VWF: variants seen among roughly 807,000 people sequenced by gnomAD.
VWF encodes Factor VIII related antigen.
In VWF, 176 loss-of-function variants were observed where a neutral mutation model predicts 308.6. That is an observed-to-expected ratio of 0.57 (90% CI 0.50 to 0.65). VWF has a LOEUF of 0.65. Among genes scored for constraint, VWF ranks in the 30% least tolerant of loss-of-function variants. VWF has a pLI of 0.00. For synonymous variants in VWF, 1,385 were observed against 1,443.4 expected (o/e 0.96, Z 0.92); for missense variants, 3,146 against 3,648.2 (o/e 0.86, Z 3.55).
intron 6 of VWF, among the ~76,000 whole-genome samples, chr12:6,085,014 C>T (rs1248989998): frequency 6.6e-6 from 1 of 152,194 alleles, no homozygotes; most frequent in African/African-American, 2.4e-5. Context: ...CAGAGCTTGA[C>T]ATTCCTCTCT....
At chr12:5,996,958 T>C (rs1218675102) in intron 34 of VWF, among the ~76,000 whole-genome samples, 1 of 152,064 alleles carries the variant, frequency 6.6e-6, no homozygotes, top group Non-Finnish European at 1.5e-5. Flanking sequence ...ATCTTGGACC[T>C]AAGTAAAGTT....
At chr12:6,078,204 T>C (rs1410207538) in intron 6 of VWF, among the ~76,000 whole-genome samples, 3 of 152,184 alleles carry the variant, frequency 2.0e-5, no homozygotes, top group East Asian at 1.9e-4. Flanking sequence ...AGATGAATGG[T>C]TGCCGAGCAT....
intron 15 of VWF, 54 bp downstream of exon 15, chr12:6,056,803 C>G (rs1004073389): frequency 2.7e-5 from 36 of 1,313,270 alleles, no homozygotes; most frequent in Non-Finnish European, 3.4e-5. Flanking sequence ...GAAAAGCACA[C>G]GTGGACGGAT....
rs765667845 is a variant in VWF, at chr12:6,016,857, G to C, written c.5067C>G (p.Pro1689=). ...TLSPAPDCSQ[P]LDVILLLDGS... ...CATCCAGGAGAAGGATCACGTCCAG[G>C]GGCTGGCTGCAGTCTGCAAAGACAA... The change falls in exon 29 of 52, where the codon CCC becomes CCG. Residue 1689 remains proline (P), a synonymous_variant. Transcript: ENST00000261405. 6.2e-7 allele frequency: 1 copy of C among 1,613,974 alleles called. No homozygotes were observed.
intron 38 of VWF, among the ~76,000 whole-genome samples, chr12:5,986,946 G>A (rs930435125): frequency 6.7e-6 from 1 of 148,694 alleles, no homozygotes; most frequent in African/African-American, 2.5e-5. Context: ...TGTTTGTTTT[G>A]AGACAGAGTC....
chr12:6,023,502 A>G, intron 25 of VWF, 129 bp downstream of exon 25: 1 of 1,397,292 alleles, frequency 7.2e-7, no homozygotes, highest in Non-Finnish European at 9.9e-7. Context: ...GCCCTTGGCC[A>G]TCCAGTCCCT....
At chr12:6,081,909 T>G (rs892201508) in intron 6 of VWF, among the ~76,000 whole-genome samples, 1 of 152,176 alleles carries the variant, frequency 6.6e-6, no homozygotes, top group African/African-American at 2.4e-5. Flanking sequence ...TAAAACAGTG[T>G]CATTTTTCCC....
intron 47 of VWF, among the ~76,000 whole-genome samples, chr12:5,965,956 G>A (rs1943397041): frequency 6.6e-6 from 1 of 152,218 alleles, no homozygotes; most frequent in Non-Finnish European, 1.5e-5. Context: ...GCCAAATGGG[G>A]CCATGGATTT....
chr12:5,973,888 G>C (rs1943505061), intron 43 of VWF, among the ~76,000 whole-genome samples: 1 of 152,136 alleles, frequency 6.6e-6, no homozygotes, highest in Admixed American at 6.5e-5. Flanking sequence ...AGAGGTGCAG[G>C]CCTCCTCTCA....
intron 4 of VWF, 91 bp from the exon 5 acceptor site, chr12:6,110,673 G>A: frequency 6.9e-7 from 1 of 1,458,418 alleles, no homozygotes; most frequent in African/African-American, 1.4e-5. Flanking sequence ...ATGTTGTAGG[G>A]TTCAGAACAT....
rs61750602 is a variant in VWF, at chr12:6,016,646, G to GAA, written c.5180_5181insTT (p.Thr1728SerfsTer29). On this transcript the variant is annotated frameshift_variant, in exon 30 of 52. Transcript: ENST00000261405. LOFTEE classifies it high-confidence loss of function. ...CATACTGCAGCACTGACACCTGAGT[G>GAA]AGACGAGGCCCTAAACGGAACGAGA... 1.9e-6 allele frequency: 3 copies of GAA among 1,614,094 alleles called. No individual in the cohort carries two copies. Among genetic ancestry groups the GAA allele is most frequent in the Non-Finnish European group, 2.5e-6 (3 of 1,180,056 alleles).
intron 44 of VWF, 33 bp from the exon 45 acceptor site, chr12:5,969,424 G>A: frequency 2.5e-6 from 4 of 1,613,698 alleles, no homozygotes; most frequent in Non-Finnish European, 3.4e-6. Flanking sequence ...CAACAAGCTG[G>A]GGCAGGGCTG....
chr12:6,002,877 CAA>C (rs56832330), intron 34 of VWF, among the ~76,000 whole-genome samples: 2 of 147,656 alleles, frequency 1.4e-5, no homozygotes, highest in Admixed American at 1.3e-4. Flanking sequence ...TCCCCCACCA[CAA>C]AAAAAAAACA....
chr12:6,025,854 C>T (rs756412613), intron 23 of VWF, 52 bp downstream of exon 23: 93 of 1,613,174 alleles, frequency 5.8e-5, no homozygotes, highest in Non-Finnish European at 7.8e-5. Flanking sequence ...GACAGAGGGA[C>T]ATTCCAGGAA....
chr12:6,037,697 G>T (rs543103534), intron 18 of VWF, among the ~76,000 whole-genome samples: 1 of 152,164 alleles, frequency 6.6e-6, no homozygotes, highest in Non-Finnish European at 1.5e-5. Flanking sequence ...CCAGGTGAAG[G>T]ACTGTGGCAC....
chr12:6,016,041 T>C (rs542691094), intron 31 of VWF, 48 bp downstream of exon 31: 91 of 1,612,962 alleles, frequency 5.6e-5, no homozygotes, highest in Middle Eastern at 3.3e-4. Flanking sequence ...CTCTATCATT[T>C]CTGAAGTCTC....
rs185304671 is a variant in VWF, at chr12:6,032,769, C to T, written c.2686-1191G>A. On this transcript the variant is annotated intron_variant, in intron 20 of 51. Coordinates refer to ENST00000261405, the MANE Select transcript of VWF (RefSeq NM_000552.5). ...ACATACACCCAAATACACACAGGCA[C>T]ATGCATACACTCAAACACACATATA... Among the ~76,000 whole-genome samples the T allele has an allele frequency of 8.6e-4, 131 of 152,136 alleles. 1 individual carries two copies. Among genetic ancestry groups the T allele is most frequent in the African/African-American group, 3.1e-3 (127 of 41,510 alleles).
chr12:6,028,554 AG>A (rs1944220666), intron 22 of VWF, among the ~76,000 whole-genome samples: 1 of 152,214 alleles, frequency 6.6e-6, no homozygotes, highest in Non-Finnish European at 1.5e-5. Context: ...GACTAATAGC[AG>A]ATCTCTTGGC....
Position 5,992,037 on chromosome 12 carries a change from G to T in VWF, c.6599-19C>A. ...GACATAGCTGTAGACAGAGAAGGAG[G>T]TCACTTGCAAAGGCCCACACCAGCC... On this transcript the variant is annotated intron_variant, in intron 37 of 51. Coordinates refer to ENST00000261405, the MANE Select transcript of VWF (RefSeq NM_000552.5). The T allele has an allele frequency of 6.2e-7, 1 of 1,612,900 alleles. No homozygotes were observed.
Sources: allele counts gnomAD v4.1 joint callset (sites outside exome capture counted in the v4.1 genomes callset), GRCh38; gene constraint gnomAD v4.1.1; transcripts MANE v1.5; gene names NCBI Gene and HGNC (gene_info 2026-07-23, HGNC 2026-07-21).